NLRC5: variants seen among roughly 807,000 people sequenced by gnomAD.
NLRC5 encodes the protein protein NLRC5.
NLRC5 carries 114 observed loss-of-function variants against 206.9 expected under a neutral mutation model. That is an observed-to-expected ratio of 0.55 (90% CI 0.47 to 0.64). NLRC5 has a LOEUF of 0.64. Ranked by LOEUF, NLRC5 falls within the 30% of genes least tolerant of loss-of-function variation. NLRC5 has a pLI of 0.00. For missense variants in NLRC5, 2,008 were observed against 2,305.5 expected, an observed-to-expected ratio of 0.87 and a Z score of 2.64; for synonymous variants, 952 against 962.8, an observed-to-expected ratio of 0.99 and a Z score of 0.21.
chr16:57,033,410 A>G (rs922050114), intron 11 of NLRC5, among the ~76,000 whole-genome samples, 194 bp from the exon 12 acceptor site: 1 of 152,236 alleles, frequency 6.6e-6, no homozygotes, highest in Admixed American at 6.5e-5. Flanking sequence ...TAAAGGTTCC[A>G]TTTGACCTCA....
chr16:56,990,892 A>G (rs566419960), intron 1 of NLRC5: 27 of 152,274 alleles, frequency 1.8e-4, no homozygotes, highest in Non-Finnish European at 3.1e-4. Context: ...ACCATAGCCC[A>G]GAATGGCCAT....
chr16:57,003,434 A>G (rs1205421505), intron 1 of NLRC5, among the ~76,000 whole-genome samples: 2 of 152,028 alleles, frequency 1.3e-5, no homozygotes, highest in Non-Finnish European at 2.9e-5. Context: ...GGTGGGCATT[A>G]TGATGACCCC....
chr16:57,043,738 C>T, intron 20 of NLRC5, 134 bp downstream of exon 20: 1 of 735,988 alleles, frequency 1.4e-6, no homozygotes, highest in South Asian at 1.5e-5. Context: ...ACCAGATCTG[C>T]AGAGCATGTG....
intron 19 of NLRC5, among the ~76,000 whole-genome samples, chr16:57,042,682 G>T (rs1283914267): frequency 6.6e-6 from 1 of 152,190 alleles, no homozygotes; most frequent in Admixed American, 6.5e-5. Flanking sequence ...TATATTCCAG[G>T]CTGTCTCTGT....
intron 21 of NLRC5, among the ~76,000 whole-genome samples, chr16:57,046,118 G>A (rs1199745025): frequency 1.3e-5 from 2 of 152,212 alleles, no homozygotes; most frequent in African/African-American, 2.4e-5. Context: ...GGAGTCAGGG[G>A]TGGCTCAAGC....
chr16:56,997,433 T>C (rs1336007680), intron 1 of NLRC5, among the ~76,000 whole-genome samples: 2 of 151,926 alleles, frequency 1.3e-5, no homozygotes, highest in African/African-American at 4.8e-5. Flanking sequence ...GTGAAGTAAA[T>C]GTAAAATCAC....
Position 57,025,797 on chromosome 16 carries a change from A to C in NLRC5, c.854A>C (p.Glu285Ala), listed in dbSNP as rs780283637. The change falls in exon 6 of 49, where the codon GAA becomes GCA. Residue 285 changes from glutamate (E) to alanine (A), a missense_variant. Physicochemically the swap from Glu to Ala is moderately radical, Grantham distance 107 (BLOSUM62 -1). Transcript: ENST00000688547. Reference sequence around the variant, plus strand: ...CTTTTTGATCTGTACCTGAGCCCTGAATCGGACCACGACACTGTCTTCCAG... The same window carrying C: ...CTTTTTGATCTGTACCTGAGCCCTGCATCGGACCACGACACTGTCTTCCAG... ...ELLFDLYLSP[E>A]SDHDTVFQYL... 5.0e-6 allele frequency: 8 copies of C among 1,614,208 alleles called. No homozygotes were observed. In the East Asian group the frequency reaches 1.1e-4, roughly 22 times the overall value.
intron 4 of NLRC5, among the ~76,000 whole-genome samples, chr16:57,022,790 T>G (rs2060820095): frequency 6.6e-6 from 1 of 152,262 alleles, no homozygotes; most frequent in African/African-American, 2.4e-5. Context: ...GACCACCTAC[T>G]GATTCGTGGG....
chr16:57,055,083 C>A lies in NLRC5; in HGVS notation c.3648C>A (p.Gly1216=). Residue 1216 remains glycine, a synonymous_variant, in exon 26 of 49, where the codon GGC becomes GGA. Transcript: ENST00000688547. ...LHFRSNEEEE[G]VCCGRFTGCS... Reference sequence around the variant, plus strand: ...TCAGATCCAACGAGGAGGAGGAAGGCGTGTGCTGTGGGTAAGCCCCCTTGA... The same window carrying A: ...TCAGATCCAACGAGGAGGAGGAAGGAGTGTGCTGTGGGTAAGCCCCCTTGA... 1 of 1,614,068 alleles carries A rather than the reference C, an allele frequency of 6.2e-7. No individual in the cohort carries two copies.
intron 28 of NLRC5, 36 bp downstream of exon 28, chr16:57,058,184 G>C (rs1368813029): frequency 6.4e-7 from 1 of 1,564,284 alleles, no homozygotes; most frequent in East Asian, 2.3e-5. Context: ...AGATAGCAAG[G>C]AGGAAGGCTC....
chr16:57,031,966 G>A (rs1196563789), intron 11 of NLRC5, among the ~76,000 whole-genome samples: 1 of 151,942 alleles, frequency 6.6e-6, no homozygotes, highest in African/African-American at 2.4e-5. Flanking sequence ...AGAAAAGGGA[G>A]CTGCTTTTCC....
intron 46 of NLRC5, 158 bp from the exon 47 acceptor site, chr16:57,080,940 C>T (rs1350706395): frequency 2.2e-5 from 13 of 599,996 alleles, no homozygotes; most frequent in South Asian, 1.0e-4. Context: ...TGCACCCTGA[C>T]GTCTTCAGGG....
intron 32 of NLRC5, among the ~76,000 whole-genome samples, chr16:57,063,698 C>T (rs1216085331): frequency 6.6e-6 from 1 of 151,170 alleles, no homozygotes; most frequent in Non-Finnish European, 1.5e-5. Context: ...TCCCAGCTTT[C>T]AATTATTTTG....
chr16:57,067,710 T>C, intron 35 of NLRC5, 26 bp from the exon 36 acceptor site: 1 of 1,606,466 alleles, frequency 6.2e-7, no homozygotes, highest in Non-Finnish European at 8.5e-7. Flanking sequence ...CCTGAAATCC[T>C]CTAGAATATC....
At chr16:57,071,632 G>C (rs1441787661) in intron 38 of NLRC5, among the ~76,000 whole-genome samples, 1 of 140,798 alleles carries the variant, frequency 7.1e-6, no homozygotes, top group Non-Finnish European at 1.5e-5. Flanking sequence ...GGGGGTGGGT[G>C]AGTGGTGATG....
intron 28 of NLRC5, chr16:57,058,546 C>A: frequency 3.1e-6 from 1 of 318,314 alleles, no homozygotes; most frequent in Non-Finnish European, 5.9e-6. Flanking sequence ...TGGAGATGTC[C>A]CTGTGGCAGG....
chr16:57,067,615 G>C (rs1479750968), intron 35 of NLRC5, 121 bp from the exon 36 acceptor site: 1 of 1,313,502 alleles, frequency 7.6e-7, no homozygotes, highest in African/African-American at 1.5e-5. Flanking sequence ...GAGAGCCCCA[G>C]GGTGGCTCAG....
chr16:57,043,667 C>T, intron 20 of NLRC5, 63 bp downstream of exon 20: 1 of 1,331,242 alleles, frequency 7.5e-7, no homozygotes, highest in Non-Finnish European at 1.1e-6. Flanking sequence ...CATCTGCTCC[C>T]ACGTGGGCCC....
At chr16:57,032,203 G>A (rs1314406620) in intron 11 of NLRC5, among the ~76,000 whole-genome samples, 1 of 151,966 alleles carries the variant, frequency 6.6e-6, no homozygotes, top group Admixed American at 6.6e-5. Context: ...GATTCCAGGT[G>A]TTCAAGACCA....
Sources: allele counts gnomAD v4.1 joint callset (sites outside exome capture counted in the v4.1 genomes callset), GRCh38; gene constraint gnomAD v4.1.1; transcripts MANE v1.5; gene names NCBI Gene and HGNC (gene_info 2026-07-23, HGNC 2026-07-21).